MTHFD1L: variants seen among roughly 807,000 people sequenced by gnomAD.
MTHFD1L encodes methylenetetrahydrofolate dehydrogenase (NADP+ dependent) 1 like.
In MTHFD1L, 81 loss-of-function variants were observed where a neutral mutation model predicts 119.5. The observed-to-expected ratio is 0.68, with a 90% CI of 0.57 to 0.82. MTHFD1L has a LOEUF of 0.82. MTHFD1L is among the 40% of genes least tolerant of loss of function. The pLI is 0.00. For missense variants in MTHFD1L, 1,125 were observed against 1,253.4 expected (o/e 0.90, Z 1.55); for synonymous variants, 430 against 475.2 (o/e 0.90, Z 1.24).
intron 24 of MTHFD1L, among the ~76,000 whole-genome samples, chr6:151,019,843 T>C (rs899000943): frequency 2.0e-5 from 3 of 152,206 alleles, no homozygotes; most frequent in Non-Finnish European, 4.4e-5. Context: ...GTGCAGTCAG[T>C]AATAGAGCTC....
intron 8 of MTHFD1L, among the ~76,000 whole-genome samples, chr6:150,915,934 T>C (rs931802379): frequency 1.3e-5 from 2 of 152,310 alleles, no homozygotes; most frequent in East Asian, 3.9e-4. Flanking sequence ...CGCTTAAAGA[T>C]AGAGGATTGA....
Position 150,899,536 on chromosome 6 carries a change from CTAT to C in MTHFD1L, c.781-6109_781-6107del, listed in dbSNP as rs1431513172. 7.2e-5 allele frequency among the ~76,000 whole-genome samples: 11 copies of C among 152,230 alleles called. No individual in the cohort carries two copies. The East Asian group carries it at 1.9e-3, about 27-fold the overall frequency. On this transcript the variant is annotated intron_variant, in intron 7 of 27. Coordinates refer to ENST00000367321, the MANE Select transcript of MTHFD1L (RefSeq NM_015440.5). ...ATGTTCTTAGTTTAGAGTAGTTATA[CTAT>C]TATTTTAACATTCCTATTTAATGAT...
intron 6 of MTHFD1L, among the ~76,000 whole-genome samples, chr6:150,887,105 T>C (rs1003721814): frequency 2.0e-5 from 3 of 151,500 alleles, no homozygotes. Flanking sequence ...CATCCAACAA[T>C]CAAAGAAAAA....
chr6:151,088,247 G>A (rs948855196), intron 26 of MTHFD1L: 7 of 152,136 alleles, frequency 4.6e-5, no homozygotes, highest in South Asian at 2.1e-4. Context: ...AGGGAGTCTC[G>A]CGTCTGCAGA....
chr6:150,900,547 G>C (rs1265002489), intron 7 of MTHFD1L, among the ~76,000 whole-genome samples: 1 of 152,146 alleles, frequency 6.6e-6, no homozygotes, highest in African/African-American at 2.4e-5. Flanking sequence ...CTCAGTTCCA[G>C]ACCCGGGCCC....
At chr6:151,036,801 C>T (rs1452918146) in intron 25 of MTHFD1L, among the ~76,000 whole-genome samples, 164 bp from the exon 26 acceptor site, 2 of 152,222 alleles carry the variant, frequency 1.3e-5, no homozygotes, top group South Asian at 2.1e-4. Context: ...TTTTTATCCT[C>T]ACCTTCTTGC....
At chr6:150,987,011 T>C (rs954115976) in intron 20 of MTHFD1L, among the ~76,000 whole-genome samples, 1 of 152,170 alleles carries the variant, frequency 6.6e-6, no homozygotes, top group Non-Finnish European at 1.5e-5. Context: ...TGGGGACCTC[T>C]GTTCTAATAT....
At chr6:150,878,241 A>G (rs941221046) in intron 4 of MTHFD1L, among the ~76,000 whole-genome samples, 9 of 150,256 alleles carry the variant, frequency 6.0e-5, no homozygotes, top group African/African-American at 2.2e-4. Flanking sequence ...GTACAAGTTT[A>G]TTTCTCTCTC....
chr6:150,916,467 A>ATTTT lies in MTHFD1L; in HGVS notation c.893-2081_893-2078dup, dbSNP rs1377270100. ...AGGTGTGCACCACCACGCCCAGCTA[A>ATTTT]TTTTTTTTTTTTTTTTTTTTTTTTT... On this transcript the variant is annotated intron_variant, in intron 8 of 27. Coordinates refer to ENST00000367321, the MANE Select transcript of MTHFD1L (RefSeq NM_015440.5). Among the ~76,000 whole-genome samples, 55 of 39,030 alleles carry ATTTT rather than the reference A, an allele frequency of 1.4e-3. 2 individuals carry two copies. The highest frequency in any genetic ancestry group is 9.5e-3 in the East Asian group (5 of 526). 25.6% of individuals were successfully genotyped at this position (39,030 alleles called of 152,430 possible). A position where few individuals can be genotyped will look rare whatever the true frequency, so the allele number is the denominator to read the frequency against.
intron 18 of MTHFD1L, among the ~76,000 whole-genome samples, chr6:150,962,663 A>G (rs1171812749): frequency 3.3e-5 from 5 of 152,216 alleles, no homozygotes. Flanking sequence ...GTGACAGCAC[A>G]GGCGCTGAGA....
At chr6:150,995,562 C>T (rs1779707955) in intron 20 of MTHFD1L, among the ~76,000 whole-genome samples, 1 of 151,484 alleles carries the variant, frequency 6.6e-6, no homozygotes, top group African/African-American at 2.4e-5. Flanking sequence ...GGACATCATT[C>T]CTTTGTCAAC....
At chr6:150,876,997 C>T (rs760842204) in intron 2 of MTHFD1L, among the ~76,000 whole-genome samples, 48 of 152,314 alleles carry the variant, frequency 3.2e-4, no homozygotes, top group South Asian at 2.1e-3. Context: ...AATCTGCTTA[C>T]TCCCTGGCTT....
rs539434475 is a variant in MTHFD1L at position 151,009,887 on chromosome 6, G to A, written c.2194G>A (p.Gly732Ser). ...CTTCAACATCAAGTGCCGAGCTTCC[G>A]GCTTGGTGCCCAACGTGGTTGTGTT... ...KFFNIKCRAS[G>S]LVPNVVVLVA... The change falls in exon 21 of 28, where the codon GGC (glycine) becomes AGC (serine). Residue 732 changes from glycine (G) to serine (S), a missense_variant. Gly to Ser is a moderately conservative substitution (Grantham distance 56). Around this residue, in one of 3 missense-constraint regions of MTHFD1L, gnomAD observed 1,058 missense variants for 1,151.2 expected, o/e 0.92. Transcript: ENST00000367321. The A allele has an allele frequency of 1.2e-5, 19 of 1,613,756 alleles. No homozygotes were observed. The African/African-American group carries it at 1.7e-4, about 15-fold the overall frequency.
chr6:150,960,467 G>T (rs185276817), intron 18 of MTHFD1L, 52 bp downstream of exon 18: 90 of 1,538,004 alleles, frequency 5.9e-5, no homozygotes, highest in Non-Finnish European at 7.8e-5. Context: ...CTCGTTCTTC[G>T]TTACCAGAAA....
chr6:151,052,565 G>A (rs1419749697), intron 26 of MTHFD1L, among the ~76,000 whole-genome samples: 1 of 152,186 alleles, frequency 6.6e-6, no homozygotes, highest in East Asian at 1.9e-4. Context: ...ATTCCAGACG[G>A]CAGTGGGCAG....
At chr6:150,925,219 C>A (rs1789730443) in intron 10 of MTHFD1L, among the ~76,000 whole-genome samples, 1 of 152,138 alleles carries the variant, frequency 6.6e-6, no homozygotes, top group African/African-American at 2.4e-5. Context: ...GAATAGCTGT[C>A]CTCTCTGATG....
At chr6:150,895,531 G>A (rs1234469845) in intron 7 of MTHFD1L, among the ~76,000 whole-genome samples, 3 of 151,628 alleles carry the variant, frequency 2.0e-5, no homozygotes, top group Non-Finnish European at 4.4e-5. Flanking sequence ...TGAGCACAGA[G>A]ACCCTCAAAA....
In MTHFD1L at chr6:150,922,006, G is replaced by T. The variant is rs376959716; in HGVS notation, c.985-199G>T. ...TGAATAGTTGTATATCTAACTAGTG[G>T]TTTTCACGTTTTCCTTTTTAAGAAA... On this transcript the variant is annotated intron_variant, in intron 9 of 27. Transcript: ENST00000367321. 2.4e-4 allele frequency among the ~76,000 whole-genome samples: 37 copies of T among 152,238 alleles called. No homozygotes were observed. In the East Asian group the frequency reaches 5.8e-3, roughly 24 times the overall value.
At chr6:150,937,779 C>T (rs1224209044) in intron 12 of MTHFD1L, among the ~76,000 whole-genome samples, 1 of 152,118 alleles carries the variant, frequency 6.6e-6, no homozygotes, top group Non-Finnish European at 1.5e-5. Flanking sequence ...AGAGCGGCAC[C>T]AGGCTCACCC....
Sources: allele counts gnomAD v4.1 joint callset (sites outside exome capture counted in the v4.1 genomes callset), GRCh38; gene constraint gnomAD v4.1.1; regional missense constraint gnomAD v4.1.1; transcripts MANE v1.5; gene names NCBI Gene and HGNC (gene_info 2026-07-23, HGNC 2026-07-21).